SLC39A11: variants seen among roughly 807,000 people sequenced by gnomAD.
SLC39A11 encodes solute carrier family 39 member 11, also known as zinc transporter ZIP11.
SLC39A11 carries 33 observed loss-of-function variants against 36.1 expected under a neutral mutation model. That is an observed-to-expected ratio of 0.91 (90% CI 0.69 to 1.22). SLC39A11 has a LOEUF of 1.22. Among genes scored for constraint, SLC39A11 ranks in the 50% most tolerant of loss-of-function variants. The pLI is 0.00. For missense variants in SLC39A11, 432 were observed against 430.3 expected (o/e 1.00, Z -0.03); for synonymous variants, 166 against 170.3 (o/e 0.97, Z 0.20).
intron 7 of SLC39A11, 66 bp downstream of exon 7, chr17:72,736,584 G>T: frequency 7.3e-7 from 1 of 1,373,758 alleles, no homozygotes; most frequent in South Asian, 1.2e-5. Context: ...CCACCCAGGT[G>T]ACACGCACAC....
chr17:72,831,853 G>C (rs1021164882), intron 6 of SLC39A11, among the ~76,000 whole-genome samples: 2 of 152,214 alleles, frequency 1.3e-5, no homozygotes, highest in African/African-American at 2.4e-5. Context: ...TGAAGCTGTG[G>C]AAGCAACAGT....
In SLC39A11 at chr17:72,861,657, T is replaced by TTATATATATATATATATATATA. The variant is rs373265286; in HGVS notation, c.431-11875_431-11854dup. 1.5e-3 allele frequency among the ~76,000 whole-genome samples: 77 copies of TTATATATATATATATATATATA among 50,934 alleles called. 1 individual carries two copies. The highest frequency in any genetic ancestry group is 0.011 in the East Asian group (7 of 666). 33.4% of individuals were successfully genotyped at this position (50,934 alleles called of 152,430 possible). ...ACATGCACCATCTATATACAACACA[T>TTATATATATATATATATATATA]TATATATATATATATATATATATAT... On this transcript the variant is annotated intron_variant, in intron 5 of 9. Transcript: ENST00000255559.
chr17:72,900,185 GAAA>G (rs2082301310), intron 5 of SLC39A11, among the ~76,000 whole-genome samples: 2 of 144,658 alleles, frequency 1.4e-5, no homozygotes, highest in African/African-American at 5.3e-5. Context: ...AAGAAAGAAA[GAAA>G]GAAAGAAAGA....
In SLC39A11 at chr17:72,647,477, AG is replaced by A. The variant is rs1391159828; in HGVS notation, c.*106del. The A allele has an allele frequency of 1.2e-6, 1 of 804,278 alleles. No homozygotes were observed. Among genetic ancestry groups the A allele is most frequent in the African/African-American group, 1.7e-5 (1 of 57,450 alleles). The allele number at this position is 804,278 out of a possible 1,614,324, so 49.8% of individuals were successfully genotyped here. On this transcript the variant is annotated 3_prime_UTR_variant, in exon 10 of 10. Transcript: ENST00000255559. Reference sequence around the variant, plus strand: ...ATCAGGATAATGAGATGAAGAAGAGAGGAAGGAAAAAAGTTTTAATGTGAAG... The same window carrying A: ...ATCAGGATAATGAGATGAAGAAGAGAGAAGGAAAAAAGTTTTAATGTGAAG...
rs184860895 is a variant in SLC39A11, at chr17:72,991,331, G to A, written c.306+40225C>T. Among the ~76,000 whole-genome samples the A allele has an allele frequency of 1.9e-3, 284 of 151,430 alleles. 1 individual carries two copies. The highest frequency in any genetic ancestry group is 6.5e-3 in the African/African-American group (267 of 41,310). ...TAGTATTTTACTGTATGTAGCATTC[G>A]GCAACTTTTGTTATTTTTATTTATT... On this transcript the variant is annotated intron_variant, in intron 4 of 9. Coordinates refer to ENST00000255559, the MANE Select transcript of SLC39A11 (RefSeq NM_139177.4).
intron 3 of SLC39A11, among the ~76,000 whole-genome samples, chr17:73,078,178 T>C (rs1281466002): frequency 2.0e-5 from 3 of 149,674 alleles, no homozygotes; most frequent in Non-Finnish European, 3.0e-5. Flanking sequence ...GCGGAGGTTG[T>C]AGTGAGCCAA....
rs978348295 is a variant in SLC39A11 at position 72,917,759 on chromosome 17, G to A, written c.430+29993C>T. Among the ~76,000 whole-genome samples, 3 of 152,214 alleles carry A rather than the reference G, an allele frequency of 2.0e-5. No individual in the cohort carries two copies. The East Asian group carries it at 5.8e-4, about 29-fold the overall frequency. ...GATGTAAATATCTAACATGCTAAGTGTCCAACTGAGTTATTATCAGTAGGT... is the reference window on the plus strand; with the variant it reads ...GATGTAAATATCTAACATGCTAAGTATCCAACTGAGTTATTATCAGTAGGT... On this transcript the variant is annotated intron_variant, in intron 5 of 9. Coordinates refer to ENST00000255559, the MANE Select transcript of SLC39A11 (RefSeq NM_139177.4).
chr17:72,703,907 C>A (rs1037326643), intron 7 of SLC39A11, among the ~76,000 whole-genome samples: 1 of 152,194 alleles, frequency 6.6e-6, no homozygotes, highest in Non-Finnish European at 1.5e-5. Flanking sequence ...GTGGGTGAAT[C>A]CTTTGAAGCC....
chr17:72,950,078 C>G (rs993129550), intron 4 of SLC39A11, among the ~76,000 whole-genome samples: 1 of 152,154 alleles, frequency 6.6e-6, no homozygotes, highest in African/African-American at 2.4e-5. Context: ...TCATTATCTG[C>G]TTCCAACCAA....
At chr17:72,778,039 G>A (rs1355358798) in intron 6 of SLC39A11, among the ~76,000 whole-genome samples, 1 of 152,102 alleles carries the variant, frequency 6.6e-6, no homozygotes, top group East Asian at 1.9e-4. Flanking sequence ...TGAATAGCTG[G>A]GATTACAGGT....
intron 6 of SLC39A11, among the ~76,000 whole-genome samples, chr17:72,758,746 A>G (rs1283552606): frequency 1.3e-5 from 2 of 152,194 alleles, no homozygotes; most frequent in African/African-American, 2.4e-5. Flanking sequence ...CGGACTTCAC[A>G]CTGTGTGAGA....
At chr17:72,664,549 T>G (rs995887485) in intron 7 of SLC39A11, among the ~76,000 whole-genome samples, 1 of 152,196 alleles carries the variant, frequency 6.6e-6, no homozygotes, top group Non-Finnish European at 1.5e-5. Flanking sequence ...ATGGCTATAC[T>G]AAGGTGCAAG....
At chr17:72,877,964 C>T (rs1282354279) in intron 5 of SLC39A11, among the ~76,000 whole-genome samples, 1 of 135,098 alleles carries the variant, frequency 7.4e-6, no homozygotes, top group Non-Finnish European at 1.6e-5. Context: ...TGCTATCCCT[C>T]CTCCCTCCCC....
chr17:72,950,989 C>CA, intron 4 of SLC39A11, among the ~76,000 whole-genome samples: 1 of 152,088 alleles, frequency 6.6e-6, no homozygotes, highest in South Asian at 2.1e-4. Flanking sequence ...GGGCCAGGCA[C>CA]AGTGGCTCAT....
chr17:72,844,980 C>T (rs368667080), intron 6 of SLC39A11, among the ~76,000 whole-genome samples: 2 of 152,172 alleles, frequency 1.3e-5, no homozygotes, highest in South Asian at 2.1e-4. Context: ...TCCAATCCAT[C>T]GGCAAATCCC....
intron 5 of SLC39A11, among the ~76,000 whole-genome samples, chr17:72,919,708 G>T (rs983533389): frequency 6.6e-6 from 1 of 151,506 alleles, no homozygotes; most frequent in African/African-American, 2.4e-5. Flanking sequence ...GAAACCCAAG[G>T]GAAGAGAAGC....
At chr17:72,722,079 G>GA (rs34497288) in intron 7 of SLC39A11, among the ~76,000 whole-genome samples, 29,081 of 147,142 alleles carry the variant, frequency 0.2, 2,917 homozygotes, top group Non-Finnish European at 0.23. Flanking sequence ...AGTAGCCAAA[G>GA]AAAAAAAAAA....
At chr17:72,681,247 C>T (rs1354549319) in intron 7 of SLC39A11, among the ~76,000 whole-genome samples, 3 of 152,108 alleles carry the variant, frequency 2.0e-5, no homozygotes, top group Non-Finnish European at 4.4e-5. Flanking sequence ...TGTTTGAATG[C>T]CTGTTTTCAG....
intron 7 of SLC39A11, among the ~76,000 whole-genome samples, chr17:72,665,597 C>G (rs1203341795): frequency 1.3e-5 from 2 of 151,632 alleles, no homozygotes; most frequent in South Asian, 4.2e-4. Flanking sequence ...TATATTTCCC[C>G]GGCTTGTCTT....
Sources: gnomAD v4.1 joint callset for allele counts (sites outside exome capture counted in the v4.1 genomes callset) on GRCh38, gnomAD v4.1.1 for gene constraint, MANE v1.5 for transcripts, NCBI Gene and HGNC (gene_info 2026-07-23, HGNC 2026-07-21) for gene names.